The following PHF8 variants were observed in gnomAD, a reference collection of about 807,000 sequenced individuals.
The protein encoded by PHF8 is histone lysine demethylase PHF8.
Under a neutral mutation model 74.4 loss-of-function variants are expected in PHF8, and 9 were observed. The ratio of observed to expected loss-of-function variants is 0.12; its 90% CI spans 0.07 to 0.21. The LOEUF (loss-of-function observed/expected upper bound fraction) is 0.21, where lower values mean the gene tolerates loss of function less well. Among genes scored for constraint, PHF8 ranks in the 10% least tolerant of loss-of-function variants. The probability of loss-of-function intolerance (pLI) is 1.00; values close to 1 mark genes in which losing one functional copy is unlikely to be tolerated. For synonymous variants in PHF8, 311 were observed against 316.6 expected (o/e 0.98, Z 0.19); for missense variants, 478 against 816.6 (o/e 0.59, Z 5.05).
chrX:54,012,199 G>GA (rs1205390157), intron 7 of PHF8, among the ~76,000 whole-genome samples: 1 of 110,543 alleles, frequency 9.0e-6, no homozygotes, highest in African/African-American at 3.3e-5. Flanking sequence ...AATGTCTCAG[G>GA]AAAAAAATAT....
chrX:54,043,902 C>T lies in PHF8; in HGVS notation c.-233G>A, dbSNP rs2066605668. 2.7e-6 allele frequency: 2 copies of T among 754,429 alleles called. No homozygotes were observed. Among genetic ancestry groups the T allele is most frequent in the African/African-American group, 2.3e-5 (1 of 44,008 alleles). 62.2% of individuals were successfully genotyped at this position (754,429 alleles called of 1,213,427 possible). ...CCACGCCCGCGGAGCTCAGCCCCAG[C>T]GACACGCCGGCAGCCGGGCTAGCTC... On this transcript the variant is annotated 5_prime_UTR_variant, in exon 1 of 22. Transcript: ENST00000338154.
intron 18 of PHF8, among the ~76,000 whole-genome samples, chrX:53,964,719 T>G (rs1234524579): frequency 4.6e-5 from 5 of 109,558 alleles, no homozygotes; most frequent in African/African-American, 1.7e-4. Flanking sequence ...TACAAAAAAG[T>G]AGCTGGGCGT....
At chrX:54,004,815 T>C (rs782775295) in intron 8 of PHF8, among the ~76,000 whole-genome samples, 3 of 108,336 alleles carry the variant, frequency 2.8e-5, no homozygotes, top group Non-Finnish European at 5.7e-5. Context: ...TGTAATCTAC[T>C]TGGGAGGCTG....
chrX:53,959,577 T>G (rs782401973), intron 19 of PHF8, among the ~76,000 whole-genome samples: 1 of 110,348 alleles, frequency 9.1e-6, no homozygotes, highest in African/African-American at 3.3e-5. Context: ...TCTTACAAAG[T>G]AGGTAATCAA....
chrX:54,006,093 A>G (rs1346264387), intron 8 of PHF8, among the ~76,000 whole-genome samples: 1 of 112,380 alleles, frequency 8.9e-6, no homozygotes, highest in Non-Finnish European at 1.9e-5. Flanking sequence ...TCTCATAATC[A>G]ATGTATGAAG....
chrX:53,954,408 G>A (rs2064978543), intron 19 of PHF8, among the ~76,000 whole-genome samples: 1 of 100,832 alleles, frequency 9.9e-6, no homozygotes, highest in Non-Finnish European at 2.0e-5. Flanking sequence ...GCTGAGGCAG[G>A]AGAATGACGT....
intron 19 of PHF8, among the ~76,000 whole-genome samples, chrX:53,955,235 A>C (rs938336768): frequency 9.0e-6 from 1 of 110,680 alleles, no homozygotes; most frequent in Non-Finnish European, 1.9e-5. Flanking sequence ...ATTATATCAT[A>C]TCTCTATTTT....
At chrX:54,034,854 C>G (rs1417769911) in intron 2 of PHF8, among the ~76,000 whole-genome samples, 2 of 100,673 alleles carry the variant, frequency 2.0e-5, no homozygotes, top group Non-Finnish European at 4.0e-5. Flanking sequence ...AAAAAATCAG[C>G]CAGGCATAGT....
intron 19 of PHF8, among the ~76,000 whole-genome samples, chrX:53,952,827 G>C (rs1307796887): frequency 9.7e-6 from 1 of 103,623 alleles, no homozygotes; most frequent in Non-Finnish European, 2.0e-5. Flanking sequence ...AGCTTGCAGT[G>C]AGCCGAGCCG....
intron 20 of PHF8, among the ~76,000 whole-genome samples, chrX:53,941,269 C>A (rs782810095): frequency 8.9e-6 from 1 of 112,397 alleles, no homozygotes; most frequent in Non-Finnish European, 1.9e-5. Context: ...AAATACACAG[C>A]ACATAGTAGA....
chrX:53,987,536 C>A lies in PHF8; in HGVS notation c.1909+230G>T, dbSNP rs782227940. 9.9e-5 allele frequency among the ~76,000 whole-genome samples: 11 copies of A among 111,595 alleles called. No homozygotes were observed. The South Asian group carries it at 1.9e-3, about 19-fold the overall frequency. On this transcript the variant is annotated intron_variant, in intron 15 of 21. Transcript: ENST00000338154. ...ACCAGCCTGATGAACATAGTGAAAT[C>A]CCATCTCTACTAAAAATACAAAATT... is the stretch of plus-strand genomic sequence containing the variant.
In PHF8 at chrX:54,044,044, G is replaced by C; in HGVS notation, c.-375C>G. On this transcript the variant is annotated 5_prime_UTR_variant, in exon 1 of 22. Coordinates refer to ENST00000338154, the MANE Select transcript of PHF8 (RefSeq NM_015107.3). ...CGGGAACCTCGCTCGCCTTCCCCTC[G>C]AGCCCCCCGCTGGGTCGCGCGGCGC... The C allele has an allele frequency of 1.3e-6, 1 of 755,065 alleles. No individual in the cohort carries two copies. Among genetic ancestry groups the C allele is most frequent in the Non-Finnish European group, 1.6e-6 (1 of 639,499 alleles). 62.2% of individuals were successfully genotyped at this position (755,065 alleles called of 1,213,427 possible). A position where few individuals can be genotyped will look rare whatever the true frequency, so the allele number is the denominator to read the frequency against.
At chrX:54,041,024 T>G (rs2066543214) in intron 2 of PHF8, among the ~76,000 whole-genome samples, 1 of 111,857 alleles carries the variant, frequency 8.9e-6, no homozygotes, top group African/African-American at 3.3e-5. Flanking sequence ...AAGGGGGCAG[T>G]CCCTGCTGAG....
intron 4 of PHF8, 21 bp from the exon 5 acceptor site, chrX:54,017,842 A>C: frequency 3.3e-6 from 4 of 1,205,133 alleles, no homozygotes; most frequent in African/African-American, 1.7e-5. Context: ...CAGGAGAGAA[A>C]GCTTGAGCCT....
chrX:54,025,916 G>GAT (rs2066258747), intron 2 of PHF8, among the ~76,000 whole-genome samples: 1 of 110,933 alleles, frequency 9.0e-6, no homozygotes, highest in African/African-American at 3.3e-5. Context: ...TTCTCTTACA[G>GAT]ATACCCTCAC....
At chrX:54,036,212 C>T (rs1557114115) in intron 2 of PHF8, among the ~76,000 whole-genome samples, 2 of 110,194 alleles carry the variant, frequency 1.8e-5, no homozygotes, top group Non-Finnish European at 3.8e-5. Context: ...GAACACTCTA[C>T]CCAAAAATGG....
chrX:54,048,133 G>A (rs1407331963), upstream of PHF8, among the ~76,000 whole-genome samples: 2 of 108,594 alleles, frequency 1.8e-5, no homozygotes, highest in Non-Finnish European at 3.8e-5. Context: ...AGCTTGCGGT[G>A]AGCCGAGATT....
At chrX:53,961,345 G>A (rs1364171594) in intron 19 of PHF8, among the ~76,000 whole-genome samples, 5 of 102,192 alleles carry the variant, frequency 4.9e-5, no homozygotes, top group Non-Finnish European at 8.0e-5. Context: ...TTTTTTCCCC[G>A]AGACGGAGTT....
intron 18 of PHF8, among the ~76,000 whole-genome samples, chrX:53,984,369 A>C (rs936217777): frequency 3.6e-5 from 4 of 112,152 alleles, no homozygotes; most frequent in Admixed American, 9.5e-5. Flanking sequence ...CTGTCTCAAA[A>C]AAAACAAAAC....
Sources: allele counts gnomAD v4.1 joint callset (sites outside exome capture counted in the v4.1 genomes callset), GRCh38; gene constraint gnomAD v4.1.1; transcripts MANE v1.5; gene names NCBI Gene and HGNC (gene_info 2026-07-23, HGNC 2026-07-21).